The following EHMT1 variants were observed in gnomAD, a reference collection of about 807,000 sequenced individuals.
EHMT1 encodes euchromatic histone lysine methyltransferase 1, also known as histone-lysine N-methyltransferase EHMT1.
Under a neutral mutation model 147.2 loss-of-function variants are expected in EHMT1, and 15 were observed. That is an observed-to-expected ratio of 0.10 (90% CI 0.07 to 0.16). The LOEUF is 0.16. EHMT1 is among the 10% of genes least tolerant of loss of function. EHMT1 has a pLI of 1.00. For synonymous variants in EHMT1, 795 were observed against 709.6 expected (o/e 1.12, Z -1.91); for missense variants, 1,587 against 1,772.4 (o/e 0.90, Z 1.88).
intron 15 of EHMT1, chr9:137,788,314 C>T (rs1034616600): frequency 2.5e-6 from 1 of 404,370 alleles, no homozygotes; most frequent in Admixed American, 4.1e-5. Context: ...GACTGGCATG[C>T]AGCACTCAGG....
At chr9:137,678,825 C>T (rs1941655916) in intron 1 of EHMT1, among the ~76,000 whole-genome samples, 1 of 150,424 alleles carries the variant, frequency 6.6e-6, no homozygotes, top group Admixed American at 6.7e-5. Flanking sequence ...GCATTGGTTA[C>T]AGGATGGACA....
Position 137,814,140 on chromosome 9 carries a change from T to A in EHMT1, c.3181-291T>A, listed in dbSNP as rs114460617. 1,692 of 427,008 alleles carry A rather than the reference T, an allele frequency of 4.0e-3. 42 individuals carry two copies. Among genetic ancestry groups the A allele is most frequent in the African/African-American group, 0.033 (1,492 of 44,822 alleles). The allele number at this position is 427,008 out of a possible 1,614,324, so 26.5% of individuals were successfully genotyped here. A position where few individuals can be genotyped will look rare whatever the true frequency, so the allele number is the denominator to read the frequency against. ...TTCCCATCGAGCATCTGGCCACAAA[T>A]GCAGCCGCCGCCCAGCCCTTCACCC... On this transcript the variant is annotated intron_variant, in intron 21 of 26. Coordinates refer to ENST00000460843, the MANE Select transcript of EHMT1 (RefSeq NM_024757.5).
At chr9:137,766,024 G>C (rs1259653249) in intron 10 of EHMT1, among the ~76,000 whole-genome samples, 3 of 152,024 alleles carry the variant, frequency 2.0e-5, no homozygotes, top group Admixed American at 6.6e-5. Flanking sequence ...ATGGGAGGTC[G>C]AGGCAGAAGG....
rs547548657 is a variant in EHMT1 at position 137,624,068 on chromosome 9, C to T, written c.21+5019C>T. On this transcript the variant is annotated intron_variant, in intron 1 of 26. Coordinates refer to ENST00000460843, the MANE Select transcript of EHMT1 (RefSeq NM_024757.5). The stretch of plus-strand genomic sequence containing the variant: ...AGGCTGGAGTACAGTGGCGCCATCT[C>T]GGCTTACTGCAACCTCCGTCTCCTG... Among the ~76,000 whole-genome samples the T allele has an allele frequency of 1.5e-4, 22 of 150,080 alleles. No homozygotes were observed. In the East Asian group the frequency reaches 3.7e-3, roughly 25 times the overall value.
At chr9:137,809,069 A>AGG (rs1221825607) in intron 18 of EHMT1, among the ~76,000 whole-genome samples, 1 of 152,234 alleles carries the variant, frequency 6.6e-6, no homozygotes, top group Non-Finnish European at 1.5e-5. Context: ...CAAAGAGCAG[A>AGG]GGGGTGGAGG....
At chr9:137,800,827 C>T (rs2137379260) in intron 17 of EHMT1, 53 bp from the exon 18 acceptor site, 4 of 1,552,480 alleles carry the variant, frequency 2.6e-6, no homozygotes, top group Middle Eastern at 1.7e-4. Context: ...CCTCATTGCT[C>T]TGGTGGTTGC....
chr9:137,742,177 C>A (rs1442451714), intron 4 of EHMT1, among the ~76,000 whole-genome samples: 1 of 152,162 alleles, frequency 6.6e-6, no homozygotes, highest in Non-Finnish European at 1.5e-5. Context: ...AGCGGATTGC[C>A]CAGGCCCCGC....
rs550858007 is a variant in EHMT1 at position 137,800,581 on chromosome 9, T to C, written c.2608-299T>C. The C allele has an allele frequency of 8.7e-5, 41 of 473,690 alleles. No homozygotes were observed. In the Admixed American group the frequency reaches 1.1e-3, roughly 13 times the overall value. The allele number at this position is 473,690 out of a possible 1,614,324, so 29.3% of individuals were successfully genotyped here. On this transcript the variant is annotated intron_variant, in intron 17 of 26. Transcript: ENST00000460843. The stretch of plus-strand genomic sequence containing the variant: ...CGTTGCACGCAGCTGTGTTGGTGCG[T>C]CCCCAGTGAGTGGTGCCCAACTGGG...
Position 137,752,335 on chromosome 9 carries a change from A to T in EHMT1, c.1175A>T (p.Asp392Val). ...MSEADRAQKMDGESEEEQESV... is the reference protein window; with the variant it reads ...MSEADRAQKMVGESEEEQESV... ...TTCGACTGTGTGGCTGATCAGATGG[A>T]CGGGGAGTCCGAGGAGGAGCAGGAG... The change falls in exon 7 of 27, where the codon GAC becomes GTC. Residue 392 changes from aspartate to valine, a missense_variant. Around this residue, in one of 7 missense-constraint regions of EHMT1, gnomAD observed 810 missense variants for 673.0 expected, o/e 1.20. Transcript: ENST00000460843. 6.2e-7 allele frequency: 1 copy of T among 1,614,172 alleles called. No homozygotes were observed. The highest frequency in any genetic ancestry group is 1.1e-5 in the South Asian group (1 of 91,068).
intron 3 of EHMT1, among the ~76,000 whole-genome samples, chr9:137,727,476 A>G (rs1946738836): frequency 6.6e-6 from 1 of 152,210 alleles, no homozygotes; most frequent in Non-Finnish European, 1.5e-5. Context: ...TATATGGTTT[A>G]GAAAAGGGTC....
At chr9:137,678,557 C>T (rs969523780) in intron 1 of EHMT1, among the ~76,000 whole-genome samples, 1 of 152,154 alleles carries the variant, frequency 6.6e-6, no homozygotes, top group African/African-American at 2.4e-5. Context: ...GATAGCCTCA[C>T]TCACCTGGGA....
At chr9:137,744,440 C>A (rs1373402175) in intron 6 of EHMT1, among the ~76,000 whole-genome samples, 1 of 152,094 alleles carries the variant, frequency 6.6e-6, no homozygotes, top group Non-Finnish European at 1.5e-5. Flanking sequence ...CATCCCAGCC[C>A]CCCGAGCAGC....
At chr9:137,709,411 C>G (rs1222659709) in intron 1 of EHMT1, among the ~76,000 whole-genome samples, 1 of 152,150 alleles carries the variant, frequency 6.6e-6, no homozygotes, top group Non-Finnish European at 1.5e-5. Flanking sequence ...CCCTGCCTTA[C>G]CGTGGTGGGG....
Position 137,619,027 on chromosome 9 carries a change from C to A in EHMT1, c.-2C>A. The A allele has an allele frequency of 2.1e-6, 2 of 970,636 alleles. No homozygotes were observed. Among genetic ancestry groups the A allele is most frequent in the Non-Finnish European group, 2.4e-6 (2 of 818,290 alleles). The allele number at this position is 970,636 out of a possible 1,614,324, so 60.1% of individuals were successfully genotyped here. A position where few individuals can be genotyped will look rare whatever the true frequency, so the allele number is the denominator to read the frequency against. On this transcript the variant is annotated 5_prime_UTR_variant, in exon 1 of 27. Transcript: ENST00000460843. ...GGCGGGGCCACGCTGCGGGCCCGGG[C>A]CATGGCCGCCGCCGATGCCGAGGTG...
At chr9:137,768,532 T>A (rs1428801814) in intron 10 of EHMT1, among the ~76,000 whole-genome samples, 2 of 35,006 alleles carry the variant, frequency 5.7e-5, no homozygotes, top group Non-Finnish European at 1.0e-4. Context: ...TTTTTGTATT[T>A]TTTTTTTTTT....
intron 13 of EHMT1, 141 bp downstream of exon 13, chr9:137,778,196 C>T: frequency 8.4e-7 from 1 of 1,197,380 alleles, no homozygotes; most frequent in Non-Finnish European, 1.2e-6. Flanking sequence ...TATTTTCACA[C>T]TATTTTGGGA....
chr9:137,774,979 G>T (rs1373875536), intron 10 of EHMT1, 130 bp from the exon 11 acceptor site: 3 of 1,349,272 alleles, frequency 2.2e-6, no homozygotes, highest in Admixed American at 1.7e-5. Context: ...AGCTGGCCTT[G>T]CAGGGCTCGG....
At chr9:137,743,810 C>G in intron 5 of EHMT1, 92 bp from the exon 6 acceptor site, 2 of 1,459,422 alleles carry the variant, frequency 1.4e-6, no homozygotes, top group Non-Finnish European at 1.8e-6. Context: ...GGCCCTTGCA[C>G]CTCCCAGTCA....
intron 1 of EHMT1, among the ~76,000 whole-genome samples, chr9:137,655,304 A>G (rs1938324454): frequency 6.6e-6 from 1 of 152,186 alleles, no homozygotes. Flanking sequence ...GGCGTGAGCC[A>G]CTGCGCCTGG....
Sources: gnomAD v4.1 joint callset for allele counts (sites outside exome capture counted in the v4.1 genomes callset) on GRCh38, gnomAD v4.1.1 for gene constraint, gnomAD v4.1.1 regional missense constraint, MANE v1.5 for transcripts, NCBI Gene and HGNC (gene_info 2026-07-23, HGNC 2026-07-21) for gene names.